DCDC2: variants seen among roughly 807,000 people sequenced by gnomAD.
The protein encoded by DCDC2 is doublecortin domain-containing protein 2.
DCDC2 carries 40 observed loss-of-function variants against 50.2 expected under a neutral mutation model. The ratio of observed to expected loss-of-function variants is 0.80; its 90% confidence interval spans 0.62 to 1.04. The LOEUF (loss-of-function observed/expected upper bound fraction) is 1.04, where lower values mean the gene tolerates loss of function less well. DCDC2 is among the 50% of genes least tolerant of loss of function. The pLI, the probability that DCDC2 is intolerant of heterozygous loss-of-function variation, is 0.00. For synonymous variants in DCDC2, 234 were observed against 210.6 expected, an observed-to-expected ratio of 1.11 and a Z score of -0.96; for missense variants, 570 against 581.9, an observed-to-expected ratio of 0.98 and a Z score of 0.21.
chr6:24,192,907 G>T (rs1473600834), intron 8 of DCDC2, among the ~76,000 whole-genome samples: 1 of 151,790 alleles, frequency 6.6e-6, no homozygotes, highest in Non-Finnish European at 1.5e-5. Flanking sequence ...AGCCCATTGA[G>T]TATCCAGTCC....
At position 24,173,424 on chromosome 6, in the gene DCDC2, C is replaced by A. The variant is rs1760831017; in HGVS notation, c.*1306G>T. ...AGAAGTTAAAATTTCAAGCTTACAA[C>A]TTCCACATAATTAAAAATATATCCT... On this transcript the variant is annotated 3_prime_UTR_variant, in exon 10 of 10. Coordinates refer to ENST00000378454, the MANE Select transcript of DCDC2 (RefSeq NM_016356.5). The A allele has an allele frequency of 6.6e-6, 1 of 152,138 alleles. No homozygotes were observed. Among genetic ancestry groups the A allele is most frequent in the Non-Finnish European group, 1.5e-5 (1 of 68,026 alleles). 9.4% of individuals were successfully genotyped at this position (152,138 alleles called of 1,614,324 possible). A position where few individuals can be genotyped will look rare whatever the true frequency, so the allele number is the denominator to read the frequency against.
chr6:24,298,772 A>G (rs1759312640), intron 4 of DCDC2, among the ~76,000 whole-genome samples: 1 of 152,258 alleles, frequency 6.6e-6, no homozygotes, highest in African/African-American at 2.4e-5. Context: ...GACAGGTAAC[A>G]GTATGACAAA....
intron 2 of DCDC2, among the ~76,000 whole-genome samples, chr6:24,333,546 T>C (rs1760005206): frequency 6.6e-6 from 1 of 152,210 alleles, no homozygotes; most frequent in Non-Finnish European, 1.5e-5. Flanking sequence ...TTTATGTTTG[T>C]ATACATTTGT....
intron 2 of DCDC2, among the ~76,000 whole-genome samples, chr6:24,334,883 G>C (rs1359069530): frequency 6.6e-6 from 1 of 152,102 alleles, no homozygotes; most frequent in Non-Finnish European, 1.5e-5. Context: ...AGGATCCTGG[G>C]GTGGCAAAAG....
chr6:24,298,074 G>GGGACGGGATGGTTATGAGA (rs1759292671), intron 4 of DCDC2, among the ~76,000 whole-genome samples: 1 of 152,230 alleles, frequency 6.6e-6, no homozygotes, highest in African/African-American at 2.4e-5. Context: ...GACGGAGTGG[G>GGGACGGGATGGTTATGAGA]GGACGGGATG....
intron 6 of DCDC2, among the ~76,000 whole-genome samples, chr6:24,282,666 A>C (rs1763503757): frequency 6.6e-6 from 1 of 152,076 alleles, no homozygotes; most frequent in Non-Finnish European, 1.5e-5. Flanking sequence ...AAAAACATAT[A>C]GACCAAAAAA....
chr6:24,285,150 A>C (rs950495765), intron 6 of DCDC2, among the ~76,000 whole-genome samples: 2 of 152,090 alleles, frequency 1.3e-5, no homozygotes, highest in African/African-American at 4.8e-5. Flanking sequence ...ACTTAGTAGG[A>C]GCTCAGTGAG....
At chr6:24,360,924 C>T (rs1180425565), upstream of DCDC2, among the ~76,000 whole-genome samples, 1 of 152,080 alleles carries the variant, frequency 6.6e-6, no homozygotes, top group Non-Finnish European at 1.5e-5. Context: ...TCAGGTCACA[C>T]ACACAGGAAT....
chr6:24,305,177 AAAT>A (rs1166609213), intron 2 of DCDC2, among the ~76,000 whole-genome samples: 1 of 152,248 alleles, frequency 6.6e-6, no homozygotes, highest in Non-Finnish European at 1.5e-5. Context: ...ATGATTGTTG[AAAT>A]AATTATGTAA....
chr6:24,257,137 A>G (rs1300724946), intron 7 of DCDC2, among the ~76,000 whole-genome samples: 1 of 152,190 alleles, frequency 6.6e-6, no homozygotes, highest in African/African-American at 2.4e-5. Context: ...ATTGTGGCAG[A>G]GGCCTTGTTA....
chr6:24,273,289 T>C (rs1581624403), intron 7 of DCDC2, among the ~76,000 whole-genome samples: 1 of 151,822 alleles, frequency 6.6e-6, no homozygotes, highest in African/African-American at 2.4e-5. Context: ...GGCGGAAGGG[T>C]GGGAGCAGGA....
At position 24,357,895 on chromosome 6, in the gene DCDC2, C is replaced by A. The variant is rs1353653635; in HGVS notation, c.-145G>T. On this transcript the variant is annotated 5_prime_UTR_variant, in exon 1 of 10. Coordinates refer to ENST00000378454, the MANE Select transcript of DCDC2 (RefSeq NM_016356.5). The stretch of plus-strand genomic sequence containing the variant: ...GAATCCACAGGTGAAAGAGAAGTAA[C>A]GGCCGTGCGCCTAGGCGTCCACCCA... The A allele has an allele frequency of 1.3e-6, 2 of 1,543,380 alleles. No homozygotes were observed. Among genetic ancestry groups the A allele is most frequent in the Non-Finnish European group, 1.7e-6 (2 of 1,145,090 alleles).
At chr6:24,287,936 AG>A (rs1763647996) in intron 6 of DCDC2, among the ~76,000 whole-genome samples, 2 of 152,342 alleles carry the variant, frequency 1.3e-5, no homozygotes, top group South Asian at 4.1e-4. Context: ...TTGTCATAAT[AG>A]TATAAGAGTC....
chr6:24,359,952 G>T (rs1344780279), upstream of DCDC2, among the ~76,000 whole-genome samples: 2 of 152,184 alleles, frequency 1.3e-5, no homozygotes, highest in African/African-American at 4.8e-5. Flanking sequence ...GCCCTCCGCC[G>T]TAGTACCTAC....
intron 7 of DCDC2, among the ~76,000 whole-genome samples, chr6:24,256,899 G>A (rs1168358937): frequency 6.6e-6 from 1 of 152,022 alleles, no homozygotes; most frequent in African/African-American, 2.4e-5. Flanking sequence ...CTGTTATCTT[G>A]GCAGCACAGT....
chr6:24,223,703 G>A lies in DCDC2; in HGVS notation c.923-18601C>T, dbSNP rs112306234. Among the ~76,000 whole-genome samples the A allele has an allele frequency of 2.4e-3, 362 of 152,224 alleles. 4 individuals are homozygous for A. Among genetic ancestry groups the A allele is most frequent in the African/African-American group, 7.9e-3 (329 of 41,522 alleles). ...TAGCTTATCAGAATAAGCCATAAAT[G>A]GCATTGGATAAGGATCATGCCAACC... On this transcript the variant is annotated intron_variant, in intron 7 of 9. Transcript: ENST00000378454.
rs2113733661 is a variant in DCDC2 at position 24,173,105 on chromosome 6, A to G, written c.*1625T>C. ...TTATATCATCCCATTTGAAAAAGTA[A>G]CGCTAGTAGAAAGCACAATTTAGAT... On this transcript the variant is annotated 3_prime_UTR_variant, in exon 10 of 10. Transcript: ENST00000378454. 1 of 152,042 alleles carries G rather than the reference A, an allele frequency of 6.6e-6. No homozygotes were observed. The highest frequency in any genetic ancestry group is 1.5e-5 in the Non-Finnish European group (1 of 67,964). 9.4% of individuals were successfully genotyped at this position (152,042 alleles called of 1,614,324 possible).
intron 2 of DCDC2, among the ~76,000 whole-genome samples, chr6:24,350,515 T>C (rs1307761382): frequency 6.6e-6 from 1 of 152,146 alleles, no homozygotes; most frequent in Non-Finnish European, 1.5e-5. Context: ...TATACTGGGG[T>C]GGTGGCTTTT....
intron 8 of DCDC2, among the ~76,000 whole-genome samples, chr6:24,199,518 T>C (rs191275439): frequency 0.014 from 2,073 of 152,012 alleles, 25 homozygotes; most frequent in Non-Finnish European, 0.02. Context: ...GTCAGCAACA[T>C]CAAAGACCAA....
Sources: gnomAD v4.1 joint callset for allele counts (sites outside exome capture counted in the v4.1 genomes callset) on GRCh38, gnomAD v4.1.1 for gene constraint, MANE v1.5 for transcripts, NCBI Gene and HGNC (gene_info 2026-07-23, HGNC 2026-07-21) for gene names.